Variants in ZRANB3 observed in about 807,000 individuals in gnomAD.
The protein encoded by ZRANB3 is zinc finger RANBP2-type containing 3, also known as DNA annealing helicase and endonuclease ZRANB3.
ZRANB3 carries 125 observed loss-of-function variants against 133.8 expected under a neutral mutation model. The ratio of observed to expected loss-of-function variants is 0.93; its 90% CI spans 0.81 to 1.08. The LOEUF (loss-of-function observed/expected upper bound fraction) is 1.08. Ranked by LOEUF, ZRANB3 falls within the 50% of genes least tolerant of loss-of-function variation. ZRANB3 has a pLI of 0.00. For synonymous variants in ZRANB3, 387 were observed against 432.7 expected (o/e 0.89, Z 1.31); for missense variants, 1,229 against 1,275.5 (o/e 0.96, Z 0.56).
At chr2:135,327,365 T>A (rs983096480) in intron 6 of ZRANB3, among the ~76,000 whole-genome samples, 1 of 152,116 alleles carries the variant, frequency 6.6e-6, no homozygotes, top group Non-Finnish European at 1.5e-5. Context: ...TTATAAGACA[T>A]GTTGGAAGTT....
chr2:135,282,124 T>G (rs1238250211), intron 8 of ZRANB3, among the ~76,000 whole-genome samples: 1 of 152,226 alleles, frequency 6.6e-6, no homozygotes. Flanking sequence ...TTATTTTTAT[T>G]CATTTATCTA....
At chr2:135,528,870 T>A (rs1694272715) in intron 1 of ZRANB3, among the ~76,000 whole-genome samples, 1 of 152,220 alleles carries the variant, frequency 6.6e-6, no homozygotes, top group Non-Finnish European at 1.5e-5. Context: ...CACAGATTAG[T>A]GCTTTAGTAA....
chr2:135,396,497 T>A (rs1331008050), intron 2 of ZRANB3, among the ~76,000 whole-genome samples: 2 of 152,156 alleles, frequency 1.3e-5, no homozygotes, highest in Non-Finnish European at 2.9e-5. Flanking sequence ...AAGAATGAGA[T>A]CCTGTCATTT....
chr2:135,234,638 C>T (rs1461635245), intron 12 of ZRANB3, among the ~76,000 whole-genome samples: 1 of 152,194 alleles, frequency 6.6e-6, no homozygotes, highest in African/African-American at 2.4e-5. Flanking sequence ...AAGAAACTCA[C>T]TCAAAACCGC....
chr2:135,206,006 A>G (rs936573441), intron 19 of ZRANB3, among the ~76,000 whole-genome samples: 1 of 152,190 alleles, frequency 6.6e-6, no homozygotes, highest in African/African-American at 2.4e-5. Flanking sequence ...TAGATCTTAC[A>G]ATTCTTACTG....
At position 135,304,171 on chromosome 2, in the gene ZRANB3, T is replaced by G. The variant is rs561350508; in HGVS notation, c.966+9318A>C. ...AGTGATGAGGAAAGGCTCTCTTGTCTTGTTCCTGATCTTAGAGGAAGAGCA... is the reference window on the plus strand; with the variant it reads ...AGTGATGAGGAAAGGCTCTCTTGTCGTGTTCCTGATCTTAGAGGAAGAGCA... On this transcript the variant is annotated intron_variant, in intron 8 of 20. Coordinates refer to ENST00000264159, the MANE Select transcript of ZRANB3 (RefSeq NM_032143.4). 2.2e-4 allele frequency among the ~76,000 whole-genome samples: 34 copies of G among 152,336 alleles called. No individual in the cohort carries two copies. The South Asian group carries it at 7.0e-3, about 32-fold the overall frequency.
At chr2:135,383,227 C>G (rs1224557122) in intron 3 of ZRANB3, among the ~76,000 whole-genome samples, 1 of 151,958 alleles carries the variant, frequency 6.6e-6, no homozygotes, top group Non-Finnish European at 1.5e-5. Flanking sequence ...TTTAAACCAA[C>G]AAAGATCAAA....
chr2:135,412,668 T>G (rs1688362259), intron 2 of ZRANB3, among the ~76,000 whole-genome samples: 1 of 151,972 alleles, frequency 6.6e-6, no homozygotes, highest in South Asian at 2.1e-4. Flanking sequence ...GTGGGAATTA[T>G]TATACATCCT....
At chr2:135,203,111 AG>A in intron 19 of ZRANB3, 148 bp from the exon 20 acceptor site, 1 of 933,662 alleles carries the variant, frequency 1.1e-6, no homozygotes, top group Non-Finnish European at 1.5e-6. Context: ...TATTGTGAGT[AG>A]AAAAAACCCT....
chr2:135,322,938 A>C (rs1462985113), intron 6 of ZRANB3, among the ~76,000 whole-genome samples: 1 of 151,658 alleles, frequency 6.6e-6, no homozygotes, highest in Non-Finnish European at 1.5e-5. Flanking sequence ...AATTGTTTGA[A>C]CCTGGGAGGC....
Position 135,404,106 on chromosome 2 carries a change from G to A in ZRANB3, c.162-13286C>T, listed in dbSNP as rs1047063736. Among the ~76,000 whole-genome samples the A allele has an allele frequency of 3.9e-5, 6 of 152,138 alleles. No homozygotes were observed. The South Asian group carries it at 8.3e-4, about 21-fold the overall frequency. On this transcript the variant is annotated intron_variant, in intron 2 of 20. Transcript: ENST00000264159. ...AACGGAACAAAGCTGGATGCAGAAC[G>A]ACTTTGACGAGGTGAGAGAAGAAGG...
At chr2:135,488,946 T>A (rs1462334891) in intron 2 of ZRANB3, among the ~76,000 whole-genome samples, 1 of 151,780 alleles carries the variant, frequency 6.6e-6, no homozygotes, top group East Asian at 1.9e-4. Flanking sequence ...TCAAAAGAAA[T>A]CAATTACATA....
intron 2 of ZRANB3, among the ~76,000 whole-genome samples, chr2:135,436,199 A>ATG (rs1471121009): frequency 1.3e-5 from 2 of 152,100 alleles, no homozygotes; most frequent in African/African-American, 4.8e-5. Context: ...TCTTCTACAT[A>ATG]TGTCTAGCCA....
chr2:135,202,319 G>C (rs528630142), intron 20 of ZRANB3: 1 of 152,358 alleles, frequency 6.6e-6, no homozygotes, highest in East Asian at 1.9e-4. Flanking sequence ...CATCCTGGTA[G>C]ATAAACAATA....
intron 8 of ZRANB3, among the ~76,000 whole-genome samples, chr2:135,307,267 T>C (rs1192353874): frequency 6.6e-6 from 1 of 152,092 alleles, no homozygotes; most frequent in Non-Finnish European, 1.5e-5. Flanking sequence ...GTTTTTGCCT[T>C]GTTGCTCAGG....
Position 135,290,784 on chromosome 2 carries a change from C to A in ZRANB3, c.967-15029G>T, listed in dbSNP as rs570121371. ...TTGTTTCAAGATCTAGTTTCATGATCTTTTTGCGATGAATTTCCTGGGTGT... is the reference window on the plus strand; with the variant it reads ...TTGTTTCAAGATCTAGTTTCATGATATTTTTGCGATGAATTTCCTGGGTGT... On this transcript the variant is annotated intron_variant, in intron 8 of 20. Coordinates refer to ENST00000264159, the MANE Select transcript of ZRANB3 (RefSeq NM_032143.4). 2.7e-5 allele frequency among the ~76,000 whole-genome samples: 4 copies of A among 149,762 alleles called. No individual in the cohort carries two copies. The South Asian group carries it at 8.4e-4, about 32-fold the overall frequency.
chr2:135,221,402 A>G (rs1019258265), intron 15 of ZRANB3, among the ~76,000 whole-genome samples: 3 of 152,156 alleles, frequency 2.0e-5, no homozygotes, highest in Non-Finnish European at 4.4e-5. Flanking sequence ...AATACGGGTC[A>G]GTGAGGTGGT....
At chr2:135,470,425 C>G (rs887887329) in intron 2 of ZRANB3, among the ~76,000 whole-genome samples, 2 of 152,092 alleles carry the variant, frequency 1.3e-5, no homozygotes, top group Non-Finnish European at 2.9e-5. Flanking sequence ...GTGGCTCACG[C>G]CTGTAATCCC....
At chr2:135,231,528 TA>T (rs1297854124) in intron 12 of ZRANB3, among the ~76,000 whole-genome samples, 4 of 152,090 alleles carry the variant, frequency 2.6e-5, no homozygotes. Flanking sequence ...GGGAGGCTGA[TA>T]TGGCAGGACT....
Sources: allele counts gnomAD v4.1 joint callset (sites outside exome capture counted in the v4.1 genomes callset), GRCh38; gene constraint gnomAD v4.1.1; transcripts MANE v1.5; gene names NCBI Gene and HGNC (gene_info 2026-07-23, HGNC 2026-07-21).